The following GRIA2 variants were observed in gnomAD, a reference collection of about 807,000 sequenced individuals.
GRIA2 encodes glutamate ionotropic receptor AMPA type subunit 2.
GRIA2 carries 14 observed loss-of-function variants against 97.3 expected under a neutral mutation model. The observed-to-expected ratio is 0.14, with a 90% CI of 0.10 to 0.23. The LOEUF (loss-of-function observed/expected upper bound fraction) is 0.23. Among genes scored for constraint, GRIA2 ranks in the 10% least tolerant of loss-of-function variants. GRIA2 has a pLI of 1.00. For missense variants in GRIA2, 558 were observed against 1,069.8 expected, an observed-to-expected ratio of 0.52 and a Z score of 6.67; for synonymous variants, 412 against 387.8, an observed-to-expected ratio of 1.06 and a Z score of -0.73.
rs1332963678 is a variant in GRIA2, at chr4:157,361,506, A to C, written c.2406+382A>C. The C allele has an allele frequency of 7.5e-7, 1 of 1,330,036 alleles. No individual in the cohort carries two copies. Among genetic ancestry groups the C allele is most frequent in the Non-Finnish European group, 1.1e-6 (1 of 921,914 alleles). The allele number at this position is 1,330,036 out of a possible 1,614,324, so 82.4% of individuals were successfully genotyped here. A position where few individuals can be genotyped will look rare whatever the true frequency, so the allele number is the denominator to read the frequency against. Reference sequence around the variant, plus strand: ...TAATGAATAACATAAAATAACATTGATAATGTTATTTATGTTATTTTCCAC... The same window carrying C: ...TAATGAATAACATAAAATAACATTGCTAATGTTATTTATGTTATTTTCCAC... On this transcript the variant is annotated intron_variant, in intron 14 of 15. Transcript: ENST00000264426. This position sits in a 1 kb window ranked among gnomAD's most constrained non-coding sequence, Gnocchi z 5.2.
At chr4:157,258,226 G>C (rs891248856) in intron 2 of GRIA2, among the ~76,000 whole-genome samples, 1 of 152,092 alleles carries the variant, frequency 6.6e-6, no homozygotes, top group South Asian at 2.1e-4. Flanking sequence ...CCTGAGAGCC[G>C]GGTGGAACAG....
In GRIA2 at chr4:157,277,262, A is replaced by T. The variant is rs565322370; in HGVS notation, c.230-26290A>T. ...AAAATCAATTAATGTAATCTATCAC[A>T]TCAACAAACTAAAAAAGAAAGATCG... On this transcript the variant is annotated intron_variant, in intron 2 of 15. Transcript: ENST00000264426. Among the ~76,000 whole-genome samples, 82 of 152,064 alleles carry T rather than the reference A, an allele frequency of 5.4e-4. 1 individual carries two copies. The South Asian group carries it at 0.016, about 29-fold the overall frequency.
intron 2 of GRIA2, among the ~76,000 whole-genome samples, chr4:157,272,016 A>G (rs1732049893): frequency 6.6e-6 from 1 of 152,112 alleles, no homozygotes; most frequent in Non-Finnish European, 1.5e-5. Flanking sequence ...GTAAACACGC[A>G]TAGATTAAGA....
At chr4:157,252,827 A>G (rs1434697191) in intron 2 of GRIA2, among the ~76,000 whole-genome samples, 1 of 152,108 alleles carries the variant, frequency 6.6e-6, no homozygotes, top group Non-Finnish European at 1.5e-5. Context: ...GGTTTCAAAG[A>G]ATAATATCCA....
chr4:157,346,699 T>C (rs1479702779), intron 12 of GRIA2, among the ~76,000 whole-genome samples: 1 of 152,130 alleles, frequency 6.6e-6, no homozygotes, highest in Non-Finnish European at 1.5e-5. Flanking sequence ...AAAAATAGCA[T>C]CGTATACATA....
intron 15 of GRIA2, 160 bp downstream of exon 15, chr4:157,363,207 G>A: frequency 1.3e-6 from 1 of 798,264 alleles, no homozygotes; most frequent in Non-Finnish European, 2.0e-6. Context: ...CAGCTCAACT[G>A]TCTATTTTCC....
chr4:157,274,146 G>A (rs1004969426), intron 2 of GRIA2, among the ~76,000 whole-genome samples: 57 of 151,822 alleles, frequency 3.8e-4, no homozygotes, highest in Non-Finnish European at 1.0e-4. Flanking sequence ...TAGTGAAGAG[G>A]AAATACATAT....
At chr4:157,298,259 C>T (rs1733441847) in intron 2 of GRIA2, among the ~76,000 whole-genome samples, 1 of 152,044 alleles carries the variant, frequency 6.6e-6, no homozygotes, top group Non-Finnish European at 1.5e-5. Context: ...GGGGAACTTA[C>T]CTGTTGTGCT....
At chr4:157,238,061 T>G (rs149921264) in intron 2 of GRIA2, among the ~76,000 whole-genome samples, 1 of 152,294 alleles carries the variant, frequency 6.6e-6, no homozygotes, top group East Asian at 1.9e-4. Context: ...GGAACTCAGT[T>G]ACTATGGCTT....
intron 2 of GRIA2, among the ~76,000 whole-genome samples, chr4:157,253,110 C>A: frequency 6.6e-6 from 1 of 150,996 alleles, no homozygotes; most frequent in Non-Finnish European, 1.5e-5. Context: ...TATCTTAATC[C>A]CCCACCTTTT....
chr4:157,263,541 C>A lies in GRIA2; in HGVS notation c.230-40011C>A, dbSNP rs186399361. ...TTGGAATTAATTCAGAAAATATGGT[C>A]GACCAGGTGGGATCAAAGGGTTTTG... On this transcript the variant is annotated intron_variant, in intron 2 of 15. Transcript: ENST00000264426. 8.1e-4 allele frequency among the ~76,000 whole-genome samples: 123 copies of A among 152,014 alleles called. 1 individual carries two copies. The highest frequency in any genetic ancestry group is 2.7e-3 in the African/African-American group (114 of 41,484).
At chr4:157,275,281 T>G (rs1732240071) in intron 2 of GRIA2, among the ~76,000 whole-genome samples, 1 of 152,240 alleles carries the variant, frequency 6.6e-6, no homozygotes, top group African/African-American at 2.4e-5. Context: ...CTTTGTCAGA[T>G]GAGTAGGTTG....
At chr4:157,313,833 A>G (rs181171444) in intron 4 of GRIA2, among the ~76,000 whole-genome samples, 38 of 152,164 alleles carry the variant, frequency 2.5e-4, no homozygotes, top group African/African-American at 8.7e-4. Flanking sequence ...CCTACCATTG[A>G]CCAGAAGCCT....
chr4:157,351,571 G>A (rs1736011736), intron 12 of GRIA2, among the ~76,000 whole-genome samples: 1 of 152,152 alleles, frequency 6.6e-6, no homozygotes, highest in Admixed American at 6.5e-5. Context: ...ATGATTCTAT[G>A]ACTAGTACAA....
At chr4:157,221,529 G>A (rs1729492386) in intron 1 of GRIA2, 138 bp from the exon 2 acceptor site, 1 of 866,958 alleles carries the variant, frequency 1.2e-6, no homozygotes, top group Non-Finnish European at 1.8e-6. Context: ...CACCCCCGCT[G>A]TCCGAGTCCG....
At chr4:157,240,074 C>T (rs933552082) in intron 2 of GRIA2, among the ~76,000 whole-genome samples, 2 of 151,718 alleles carry the variant, frequency 1.3e-5, no homozygotes, top group East Asian at 1.9e-4. Context: ...TCTTCATATG[C>T]TTTAAATACA....
intron 3 of GRIA2, among the ~76,000 whole-genome samples, chr4:157,307,562 C>G (rs761001976): frequency 6.6e-6 from 1 of 152,140 alleles, no homozygotes; most frequent in Non-Finnish European, 1.5e-5. Context: ...AAGAGAAATT[C>G]AACACATTTT....
intron 3 of GRIA2, among the ~76,000 whole-genome samples, chr4:157,306,495 G>C (rs1400806383): frequency 6.6e-6 from 1 of 152,148 alleles, no homozygotes; most frequent in Non-Finnish European, 1.5e-5. Context: ...AAAAATGTTA[G>C]AGTGATAATA....
At chr4:157,221,918 G>A in intron 2 of GRIA2, 111 bp downstream of exon 2, 1 of 957,160 alleles carries the variant, frequency 1.0e-6, no homozygotes, top group Non-Finnish European at 1.6e-6. Flanking sequence ...GTGTCAGTGT[G>A]TGGGTGTGAG....
Sources: gnomAD v4.1 joint callset for allele counts (sites outside exome capture counted in the v4.1 genomes callset) on GRCh38, gnomAD v4.1.1 for gene constraint, Gnocchi (gnomAD v3.1) non-coding constraint, MANE v1.5 for transcripts, NCBI Gene and HGNC (gene_info 2026-07-23, HGNC 2026-07-21) for gene names.